Variants in SPDYE10 observed in about 807,000 individuals in gnomAD.
The protein encoded by SPDYE10 is speedy protein E10.
the SPDYE10 span, among the ~76,000 whole-genome samples, chr7:73,116,897 GTTT>G: frequency 7.4e-6 from 1 of 135,940 alleles, no homozygotes; most frequent in African/African-American, 3.1e-5. Context: ...TAACAGATTT[GTTT>G]TTTTTTTTTT....
At chr7:73,138,712 G>A in the SPDYE10 span, among the ~76,000 whole-genome samples, 1 of 150,882 alleles carries the variant, frequency 6.6e-6, no homozygotes, top group Admixed American at 6.6e-5. Context: ...TTCAGTTTTT[G>A]TTGCAACCTA....
chr7:73,118,289 CTTCATCCAGT>C, the SPDYE10 span, among the ~76,000 whole-genome samples: 1 of 23,012 alleles, frequency 4.3e-5, no homozygotes, highest in Admixed American at 5.4e-4. Context: ...TTTCAAATGA[CTTCATCCAGT>C]TTCAGCCAGG....
At chr7:73,137,618 G>C in the SPDYE10 span, among the ~76,000 whole-genome samples, 32 of 141,454 alleles carry the variant, frequency 2.3e-4, no homozygotes, top group Non-Finnish European at 3.8e-4. Context: ...AAGAAAGAAA[G>C]AAAGAAAGAA....
At chr7:73,116,942 C>G in the SPDYE10 span, among the ~76,000 whole-genome samples, 1 of 151,886 alleles carries the variant, frequency 6.6e-6, no homozygotes, top group African/African-American at 2.4e-5. Flanking sequence ...GTTGCCCAGG[C>G]TGGAGTGCAG....
At chr7:73,137,862 GGAAGGAGAGGA>G in the SPDYE10 span, among the ~76,000 whole-genome samples, 8 of 96,984 alleles carry the variant, frequency 8.2e-5, no homozygotes, top group Non-Finnish European at 1.4e-4. Flanking sequence ...GAAGGGGAGG[GGAAGGAGAGGA>G]GAAGGGGAGG....
the SPDYE10 span, among the ~76,000 whole-genome samples, chr7:73,123,788 C>CCTCTCTCCCTCTCT: frequency 4.1e-5 from 4 of 97,454 alleles, no homozygotes; most frequent in African/African-American, 2.0e-4. Context: ...TCTCTCTCTC[C>CCTCTCTCCCTCTCT]CTCTCTCTCT....
At chr7:73,115,600 G>GT in the SPDYE10 span, among the ~76,000 whole-genome samples, 5 of 132,266 alleles carry the variant, frequency 3.8e-5, no homozygotes, top group Admixed American at 3.7e-4. Flanking sequence ...AAAAGGGTGG[G>GT]TTTGCGATGT....
chr7:73,115,101 G>A, the SPDYE10 span, among the ~76,000 whole-genome samples: 3 of 151,562 alleles, frequency 2.0e-5, no homozygotes, highest in Non-Finnish European at 4.4e-5. Flanking sequence ...TCACCATGTT[G>A]ACCAAGCTGG....
chr7:73,123,796 T>C, the SPDYE10 span, among the ~76,000 whole-genome samples: 4 of 146,200 alleles, frequency 2.7e-5, no homozygotes, highest in African/African-American at 7.8e-5. Flanking sequence ...TCCCTCTCTC[T>C]CTCTCTCTCT....
the SPDYE10 span, among the ~76,000 whole-genome samples, chr7:73,116,957 G>A: frequency 6.6e-6 from 1 of 151,670 alleles, no homozygotes; most frequent in Non-Finnish European, 1.5e-5. Context: ...GTGCAGTGGT[G>A]CAATCTCGTC....
the SPDYE10 span, among the ~76,000 whole-genome samples, chr7:73,123,647 G>A: frequency 2.6e-5 from 4 of 152,096 alleles, no homozygotes; most frequent in African/African-American, 4.8e-5. Context: ...TAGTAGAGAG[G>A]GAGTTTCCCC....
chr7:73,139,323 ATT>A, the SPDYE10 span, among the ~76,000 whole-genome samples: 3 of 41,304 alleles, frequency 7.3e-5, no homozygotes, highest in Admixed American at 2.6e-4. Context: ...AGAGACCACG[ATT>A]TTTTTTTTTT....
the SPDYE10 span, among the ~76,000 whole-genome samples, chr7:73,107,536 G>A: frequency 2.7e-5 from 1 of 37,064 alleles, no homozygotes; most frequent in Non-Finnish European, 5.6e-5. Context: ...TGGGAGGATC[G>A]CTTGAGCCCA....
chr7:73,131,425 C>A, the SPDYE10 span, among the ~76,000 whole-genome samples: 1 of 150,480 alleles, frequency 6.6e-6, no homozygotes, highest in Non-Finnish European at 1.5e-5. Context: ...TGAGACAGTT[C>A]CTGTGGACAG....
At chr7:73,123,788 C>CCCTCTCTCTCTCTCTCTCTCTCT in the SPDYE10 span, among the ~76,000 whole-genome samples, 1 of 97,458 alleles carries the variant, frequency 1.0e-5, no homozygotes, top group Admixed American at 1.3e-4. Context: ...TCTCTCTCTC[C>CCCTCTCTCTCTCTCTCTCTCTCT]CTCTCTCTCT....
At chr7:73,113,793 TG>T in the SPDYE10 span, among the ~76,000 whole-genome samples, 2 of 152,084 alleles carry the variant, frequency 1.3e-5, no homozygotes, top group African/African-American at 4.8e-5. Context: ...CCCAGCACTT[TG>T]GGAGGCCAAG....
the SPDYE10 span, among the ~76,000 whole-genome samples, chr7:73,137,584 A>G: frequency 7.0e-6 from 1 of 142,996 alleles, no homozygotes; most frequent in African/African-American, 2.7e-5. Flanking sequence ...GAAAGAAAGA[A>G]AGAAGAGATG....
the SPDYE10 span, among the ~76,000 whole-genome samples, chr7:73,127,082 C>CT: frequency 8.7e-3 from 116 of 13,354 alleles, no homozygotes; most frequent in Non-Finnish European, 0.01. Flanking sequence ...CCACGCCTGG[C>CT]TTTTTTTTTT....
chr7:73,134,537 A>AAGAAAGAAAGAAAGAAAAAG, the SPDYE10 span, among the ~76,000 whole-genome samples: 294 of 139,600 alleles, frequency 2.1e-3, no homozygotes, highest in African/African-American at 7.7e-3. Context: ...GAAAGAAAGA[A>AAGAAAGAAAGAAAGAAAAAG]AAAGAAAGAA....
Sources: gnomAD v4.1 joint callset for allele counts (sites outside exome capture counted in the v4.1 genomes callset) on GRCh38, gnomAD v4.1.1 for gene constraint, MANE v1.5 for transcripts, NCBI Gene and HGNC (gene_info 2026-07-23, HGNC 2026-07-21) for gene names.